Variants in SLC22A4 observed in about 807,000 individuals in gnomAD.
The protein encoded by SLC22A4 is solute carrier family 22 member 4.
SLC22A4 carries 39 observed loss-of-function variants against 56.6 expected under a neutral mutation model. The observed-to-expected ratio is 0.69, with a 90% CI of 0.53 to 0.90. The LOEUF (loss-of-function observed/expected upper bound fraction) is 0.90, where lower values mean the gene tolerates loss of function less well. SLC22A4 is among the 40% of genes least tolerant of loss of function. The pLI, the probability that SLC22A4 is intolerant of heterozygous loss-of-function variation, is 0.00. For missense variants in SLC22A4, 594 were observed against 696.5 expected (o/e 0.85, Z 1.66); for synonymous variants, 241 against 281.4 (o/e 0.86, Z 1.44).
At chr5:132,332,625 A>C (rs1750897376) in intron 6 of SLC22A4, among the ~76,000 whole-genome samples, 1 of 152,106 alleles carries the variant, frequency 6.6e-6, no homozygotes, top group African/African-American at 2.4e-5. Flanking sequence ...CAAACTAACA[A>C]GTGGCTTTCA....
At chr5:132,339,746 A>C (rs1447373964) in intron 8 of SLC22A4, among the ~76,000 whole-genome samples, 1 of 152,058 alleles carries the variant, frequency 6.6e-6, no homozygotes, top group African/African-American at 2.4e-5. Flanking sequence ...AGAGTCTCCT[A>C]CTCCACACAG....
At chr5:132,321,335 T>C (rs1750533058) in intron 3 of SLC22A4, among the ~76,000 whole-genome samples, 1 of 152,160 alleles carries the variant, frequency 6.6e-6, no homozygotes, top group Admixed American at 6.5e-5. Context: ...CCAACTGATT[T>C]CTCAGGGCTC....
chr5:132,325,871 C>A (rs184085160), intron 4 of SLC22A4, among the ~76,000 whole-genome samples: 6 of 152,306 alleles, frequency 3.9e-5, no homozygotes, highest in Non-Finnish European at 8.8e-5. Context: ...GACACGCCCA[C>A]CCGTGTGCCA....
rs148129782 is a variant in SLC22A4 at position 132,299,983 on chromosome 5, G to A, written c.393+4974G>A. Among the ~76,000 whole-genome samples the A allele has an allele frequency of 5.8e-3, 884 of 152,082 alleles. 31 individuals are homozygous for A. Among genetic ancestry groups the A allele is most frequent in the Admixed American group, 0.044 (676 of 15,266 alleles). On this transcript the variant is annotated intron_variant, in intron 1 of 9. Coordinates refer to ENST00000200652, the MANE Select transcript of SLC22A4 (RefSeq NM_003059.3). ...TTTCTACTACTGCCCTTTTTCTATC[G>A]TAGGATCCCATCCAAAATCCCATGT... is the stretch of plus-strand genomic sequence containing the variant.
intron 3 of SLC22A4, among the ~76,000 whole-genome samples, chr5:132,315,780 G>T (rs1007569007): frequency 6.6e-6 from 1 of 152,226 alleles, no homozygotes; most frequent in Non-Finnish European, 1.5e-5. Context: ...GTTATAGGGT[G>T]CTCTGGGAGC....
At chr5:132,303,046 G>C (rs1749941167) in intron 1 of SLC22A4, among the ~76,000 whole-genome samples, 1 of 152,164 alleles carries the variant, frequency 6.6e-6, no homozygotes, top group African/African-American at 2.4e-5. Context: ...AGAAAATATT[G>C]ACAAATCATA....
intron 1 of SLC22A4, among the ~76,000 whole-genome samples, chr5:132,297,344 A>G (rs560762273): frequency 4.8e-4 from 73 of 152,094 alleles, no homozygotes; most frequent in African/African-American, 1.7e-3. Flanking sequence ...CAACAACAAC[A>G]ACAAAAAACT....
Position 132,322,316 on chromosome 5 carries a change from C to T in SLC22A4, c.785C>T (p.Ala262Val), listed in dbSNP as rs767093107. Residue 262 changes from alanine to valine, a missense_variant, in exon 4 of 10, where the codon GCG becomes GTG. By Grantham distance (64) the Ala-to-Val change is moderately conservative. Coordinates refer to ENST00000200652, the MANE Select transcript of SLC22A4 (RefSeq NM_003059.3). ...FIRDWRMLLL[A>V]LTVPGVLCVP... Reference sequence around the variant, plus strand: ...AGAGACTGGCGGATGCTGCTGCTGGCGCTGACGGTGCCGGGAGTGCTGTGT... The same window carrying T: ...AGAGACTGGCGGATGCTGCTGCTGGTGCTGACGGTGCCGGGAGTGCTGTGT... 14 of 1,613,890 alleles carry T rather than the reference C, an allele frequency of 8.7e-6. No homozygotes were observed. Among genetic ancestry groups the T allele is most frequent in the Middle Eastern group, 1.7e-4 (1 of 5,954 alleles).
At chr5:132,334,612 G>T in intron 6 of SLC22A4, 106 bp from the exon 7 acceptor site, 1 of 806,450 alleles carries the variant, frequency 1.2e-6, no homozygotes, top group Non-Finnish European at 2.2e-6. Flanking sequence ...GCCAATGAGG[G>T]TAGTGGCTAC....
At chr5:132,334,187 G>A (rs988696337) in intron 6 of SLC22A4, among the ~76,000 whole-genome samples, 1 of 152,158 alleles carries the variant, frequency 6.6e-6, no homozygotes, top group African/African-American at 2.4e-5. Context: ...TGAAGGATTA[G>A]GGGACATTCA....
rs761768987 is a variant in SLC22A4 at position 132,335,804 on chromosome 5, G to C, written c.1262-14G>C. ...TCTAAAAGCACCATTGTTTATACCGGGTCTCTTTTCCAGATTATTACTTCT... is the reference window on the plus strand; with the variant it reads ...TCTAAAAGCACCATTGTTTATACCGCGTCTCTTTTCCAGATTATTACTTCT... On this transcript the variant is annotated splice_polypyrimidine_tract_variant and intron_variant, in intron 7 of 9. Transcript: ENST00000200652. The C allele has an allele frequency of 1.6e-5, 26 of 1,609,094 alleles. No individual in the cohort carries two copies. The South Asian group carries it at 2.7e-4, about 17-fold the overall frequency.
intron 4 of SLC22A4, among the ~76,000 whole-genome samples, chr5:132,324,190 C>CA (rs935532859): frequency 1.0e-4 from 15 of 149,430 alleles, no homozygotes; most frequent in South Asian, 4.2e-4. Context: ...GATGCTGTCT[C>CA]AAAAAAAAAG....
At chr5:132,340,419 G>A (rs1325680873) in intron 8 of SLC22A4, 146 bp from the exon 9 acceptor site, 7 of 801,058 alleles carry the variant, frequency 8.7e-6, no homozygotes, top group Non-Finnish European at 1.5e-5. Context: ...AAAAGAAACT[G>A]ATATTTTGCT....
Position 132,328,589 on chromosome 5 carries a change from CA to C in SLC22A4, c.951+1188del, listed in dbSNP as rs1327499721. On this transcript the variant is annotated intron_variant, in intron 5 of 9. Transcript: ENST00000200652. ...ATTTAAATGGATAAAACAACAACAA[CA>C]ACAACAACAACAACATTGGGAGTGT... 2.0e-5 allele frequency among the ~76,000 whole-genome samples: 3 copies of C among 151,844 alleles called. No homozygotes were observed. In the East Asian group the frequency reaches 5.8e-4, roughly 29 times the overall value.
intron 7 of SLC22A4, 41 bp downstream of exon 7, chr5:132,334,973 C>A: frequency 7.3e-7 from 1 of 1,378,416 alleles, no homozygotes; most frequent in Non-Finnish European, 1.0e-6. Context: ...CAGAAAAGAC[C>A]CACATATTGA....
In SLC22A4 at chr5:132,343,724, A is replaced by T. The variant is rs767784859; in HGVS notation, c.1581-36A>T. 6 of 1,312,572 alleles carry T rather than the reference A, an allele frequency of 4.6e-6. No homozygotes were observed. In the Admixed American group the frequency reaches 1.0e-4, roughly 22 times the overall value. 81.3% of individuals were successfully genotyped at this position (1,312,572 alleles called of 1,614,324 possible). On this transcript the variant is annotated intron_variant, in intron 9 of 9. Coordinates refer to ENST00000200652, the MANE Select transcript of SLC22A4 (RefSeq NM_003059.3). Reference sequence around the variant, plus strand: ...AGCATTTTGAGGAGGAAAGTCTTGAATATTTAATTTTCCTTAGCATCTATT... The same window carrying T: ...AGCATTTTGAGGAGGAAAGTCTTGATTATTTAATTTTCCTTAGCATCTATT...
intron 9 of SLC22A4, among the ~76,000 whole-genome samples, chr5:132,341,272 G>T (rs1338574790): frequency 3.3e-5 from 5 of 151,888 alleles, no homozygotes; most frequent in Admixed American, 2.0e-4. Context: ...ACAAAAATTA[G>T]CTGGGCATGG....
At chr5:132,337,305 C>T (rs1751055339) in intron 8 of SLC22A4, among the ~76,000 whole-genome samples, 2 of 137,532 alleles carry the variant, frequency 1.5e-5, no homozygotes, top group African/African-American at 2.7e-5. Flanking sequence ...GAGACAGGGT[C>T]TCACTCTGGA....
chr5:132,322,488 G>C, intron 4 of SLC22A4, 133 bp downstream of exon 4: 2 of 862,478 alleles, frequency 2.3e-6, no homozygotes, highest in Non-Finnish European at 3.8e-6. Context: ...CTTCCAAGCC[G>C]GGAGAGTTTT....
Sources: allele counts gnomAD v4.1 joint callset (sites outside exome capture counted in the v4.1 genomes callset), GRCh38; gene constraint gnomAD v4.1.1; transcripts MANE v1.5; gene names NCBI Gene and HGNC (gene_info 2026-07-23, HGNC 2026-07-21).